The following ZRANB1 variants were observed in gnomAD, a reference collection of about 807,000 sequenced individuals.
The protein encoded by ZRANB1 is ubiquitin thioesterase ZRANB1.
Under a neutral mutation model 80.5 loss-of-function variants are expected in ZRANB1, and 16 were observed. The observed-to-expected ratio is 0.20, with a 90% CI of 0.13 to 0.30. The LOEUF (loss-of-function observed/expected upper bound fraction) is 0.30, where lower values mean the gene tolerates loss of function less well. Ranked by LOEUF, ZRANB1 falls within the 10% of genes least tolerant of loss-of-function variation. The pLI, the probability that ZRANB1 is intolerant of heterozygous loss-of-function variation, is 1.00. For missense variants in ZRANB1, 576 were observed against 862.6 expected (o/e 0.67, Z 4.16); for synonymous variants, 291 against 293.1 (o/e 0.99, Z 0.07).
At position 124,986,270 on chromosome 10, in the gene ZRANB1, GACACACGCACGCGCGCGCGCGCACAC is replaced by G. The variant is rs1952031922; in HGVS notation, c.*1285_*1310del. The G allele has an allele frequency of 3.7e-5, 3 of 80,606 alleles. No homozygotes were observed. Among genetic ancestry groups the G allele is most frequent in the African/African-American group, 1.1e-4 (3 of 27,856 alleles). 5.0% of individuals were successfully genotyped at this position (80,606 alleles called of 1,614,324 possible). A position where few individuals can be genotyped will look rare whatever the true frequency, so the allele number is the denominator to read the frequency against. ...GATGTGGCCAGGAATTTGGAAAGAC[GACACACGCACGCGCGCGCGCGCACAC>G]ACACACACACACACACACACACACA... On this transcript the variant is annotated 3_prime_UTR_variant, in exon 9 of 9. Transcript: ENST00000359653.
chr10:124,917,928 C>T, the ZRANB1 span, among the ~76,000 whole-genome samples: 1 of 152,264 alleles, frequency 6.6e-6, no homozygotes, highest in South Asian at 2.1e-4. Context: ...GTAGTGAATG[C>T]TGGCATTAAG....
intron 1 of ZRANB1, among the ~76,000 whole-genome samples, chr10:124,960,766 A>C (rs1348840861): frequency 2.6e-5 from 4 of 152,144 alleles, no homozygotes; most frequent in Non-Finnish European, 5.9e-5. Flanking sequence ...TAGTAAAAAA[A>C]AGGTGGGCTA....
At chr10:124,940,515 G>C (rs1951525492), upstream of ZRANB1, 1 of 1,289,136 alleles carries the variant, frequency 7.8e-7, no homozygotes, top group Non-Finnish European at 1.0e-6. Context: ...TCATGTGCAA[G>C]GTGGAGGTTA....
At chr10:124,917,403 G>A in the ZRANB1 span, 5 of 151,148 alleles carry the variant, frequency 3.3e-5, no homozygotes, top group African/African-American at 1.2e-4. Flanking sequence ...CGCAGGCGCG[G>A]GGAGGGCAGG....
chr10:124,973,724 T>C lies in ZRANB1; in HGVS notation c.1228+8T>C. ...ATAGAGACGTTCAAAAAGGTAAGCA[T>C]GGAATTAATGAGTATAATTTACCTT... On this transcript the variant is annotated splice_region_variant and intron_variant, in intron 4 of 8. Coordinates refer to ENST00000359653, the MANE Select transcript of ZRANB1 (RefSeq NM_017580.3). 1.9e-6 allele frequency: 3 copies of C among 1,609,426 alleles called. No homozygotes were observed. The highest frequency in any genetic ancestry group is 1.7e-6 in the Non-Finnish European group (2 of 1,178,402).
the ZRANB1 span, among the ~76,000 whole-genome samples, chr10:124,919,891 G>A: frequency 7.0e-6 from 1 of 143,532 alleles, no homozygotes; most frequent in African/African-American, 2.6e-5. Context: ...GATTACAGGC[G>A]TGAGCCACCG....
At chr10:124,951,033 C>G (rs186893086) in intron 1 of ZRANB1, among the ~76,000 whole-genome samples, 1 of 147,398 alleles carries the variant, frequency 6.8e-6, no homozygotes, top group Non-Finnish European at 1.5e-5. Flanking sequence ...TACTTACACA[C>G]CTTGTTTAAA....
At chr10:124,923,401 G>A in the ZRANB1 span, among the ~76,000 whole-genome samples, 15 of 151,608 alleles carry the variant, frequency 9.9e-5, no homozygotes, top group Non-Finnish European at 1.8e-4. Context: ...AGACCAACCT[G>A]ACCAACATGG....
At chr10:124,917,319 C>G in the ZRANB1 span, 1 of 150,524 alleles carries the variant, frequency 6.6e-6, no homozygotes, top group Non-Finnish European at 1.5e-5. Flanking sequence ...CCGGGCCCCT[C>G]GCTCCCAGGC....
the ZRANB1 span, among the ~76,000 whole-genome samples, chr10:124,922,316 TAAAATATATGTATATATATA>T: frequency 5.6e-5 from 1 of 17,716 alleles, no homozygotes; most frequent in African/African-American, 7.4e-5. Flanking sequence ...TATATATATG[TAAAATATATGTATATATATA>T]TTTTTTTTTT....
chr10:124,924,932 C>T, the ZRANB1 span, among the ~76,000 whole-genome samples: 4 of 148,652 alleles, frequency 2.7e-5, no homozygotes, highest in South Asian at 2.1e-4. Context: ...TTTGAGACAG[C>T]GTCTCAGTTT....
Position 124,973,928 on chromosome 10 carries a change from C to T in ZRANB1, c.1228+212C>T, listed in dbSNP as rs192946598. ...CAAAAATTTTAAAACCTTGGTTCTC[C>T]GCTTCCTGTTCCAGAATGTATATAT... is the stretch of plus-strand genomic sequence containing the variant. On this transcript the variant is annotated intron_variant, in intron 4 of 8. Transcript: ENST00000359653. 2.4e-3 allele frequency among the ~76,000 whole-genome samples: 360 copies of T among 152,248 alleles called. 3 individuals carry two copies. Among genetic ancestry groups the T allele is most frequent in the African/African-American group, 8.1e-3 (338 of 41,564 alleles).
In ZRANB1 at chr10:124,983,109, T is replaced by A; in HGVS notation, c.1549-66T>A. The A allele has an allele frequency of 6.5e-7, 1 of 1,539,192 alleles. No homozygotes were observed. The highest frequency in any genetic ancestry group is 1.3e-5 in the South Asian group (1 of 79,792). On this transcript the variant is annotated intron_variant, in intron 6 of 8. Transcript: ENST00000359653. This position sits in a 1 kb window ranked among gnomAD's most constrained non-coding sequence, Gnocchi z 6.2. ...GTATACTGAAGGGGAGGTAGTATTG[T>A]TTTTTACACATCAGTTTTCCAGGAG...
rs1952093909 is a variant in ZRANB1 at position 124,987,793 on chromosome 10, A to AGAGCTCAGAGG, written c.*2805_*2815dup. ...TTAATTGGGAAGGGAAGTATAAGGA[A>AGAGCTCAGAGG]GAGCTCAGAGGGAGTTTCATACCTG... On this transcript the variant is annotated 3_prime_UTR_variant, in exon 9 of 9. Coordinates refer to ENST00000359653, the MANE Select transcript of ZRANB1 (RefSeq NM_017580.3). 1 of 152,206 alleles carries AGAGCTCAGAGG rather than the reference A, an allele frequency of 6.6e-6. No homozygotes were observed. Among genetic ancestry groups the AGAGCTCAGAGG allele is most frequent in the Non-Finnish European group, 1.5e-5 (1 of 68,018 alleles). The allele number at this position is 152,206 out of a possible 1,614,324, so 9.4% of individuals were successfully genotyped here. A position where few individuals can be genotyped will look rare whatever the true frequency, so the allele number is the denominator to read the frequency against.
intron 1 of ZRANB1, among the ~76,000 whole-genome samples, chr10:124,951,465 ATT>A (rs1376724961): frequency 6.6e-6 from 1 of 152,216 alleles, no homozygotes; most frequent in African/African-American, 2.4e-5. Context: ...GACACTGGTG[ATT>A]TTGCCCATTT....
chr10:124,971,030 G>C (rs904481185), intron 2 of ZRANB1, among the ~76,000 whole-genome samples: 1 of 151,734 alleles, frequency 6.6e-6, no homozygotes, highest in Non-Finnish European at 1.5e-5. Context: ...CATCATGTTG[G>C]CCAGGCTGGT....
In ZRANB1 at chr10:124,983,478, G is replaced by T. The variant is rs1389329722; in HGVS notation, c.1698G>T (p.Leu566Phe). Residue 566 changes from leucine to phenylalanine, a missense_variant, in exon 8 of 9, where the codon TTG becomes TTT. By Grantham distance (22) the Leu-to-Phe change is conservative. Around this residue, in one of 3 missense-constraint regions of ZRANB1, gnomAD observed 152 missense variants for 221.9 expected, o/e 0.69. Coordinates refer to ENST00000359653, the MANE Select transcript of ZRANB1 (RefSeq NM_017580.3). The surrounding 1 kb of genome is among the most constrained non-coding windows in gnomAD (Gnocchi z 6.2). ...TTCCAGGTGTTTATCTGCCTTTGTT[G>T]TGGGAACAGAGTTTTTGTTGGAAAA... ...TRFQGVYLPL[L>F]WEQSFCWKSP... is the part of the protein sequence containing the mutation. The T allele has an allele frequency of 6.2e-7, 1 of 1,611,754 alleles. No homozygotes were observed.
rs140763293 is a variant in ZRANB1 at position 124,959,534 on chromosome 10, C to T, written c.815-7060C>T. Among the ~76,000 whole-genome samples, 1,401 of 152,078 alleles carry T rather than the reference C, an allele frequency of 9.2e-3. 14 individuals are homozygous for T. Among genetic ancestry groups the T allele is most frequent in the Non-Finnish European group, 0.013 (871 of 67,972 alleles). On this transcript the variant is annotated intron_variant, in intron 1 of 8. Coordinates refer to ENST00000359653, the MANE Select transcript of ZRANB1 (RefSeq NM_017580.3). ...TGGGTGGAGTGCAGTGACATGATCA[C>T]GGCTCACTGCAGCCTCAACCTTCTT...
At chr10:124,954,005 G>T (rs748034687) in intron 1 of ZRANB1, among the ~76,000 whole-genome samples, 10 of 146,484 alleles carry the variant, frequency 6.8e-5, no homozygotes, top group Admixed American at 2.8e-4. Flanking sequence ...TTGCTCTGTT[G>T]CCCAGGCTGG....
Sources: allele counts gnomAD v4.1 joint callset (sites outside exome capture counted in the v4.1 genomes callset), GRCh38; gene constraint gnomAD v4.1.1; regional missense constraint gnomAD v4.1.1; non-coding constraint Gnocchi (gnomAD v3.1); transcripts MANE v1.5; gene names NCBI Gene and HGNC (gene_info 2026-07-23, HGNC 2026-07-21).